The following ERCC6 variants were observed in gnomAD, a reference collection of about 807,000 sequenced individuals.
The protein encoded by ERCC6 is ERCC excision repair 6, chromatin remodeling factor, also known as DNA excision repair protein ERCC-6.
A neutral mutation model predicts 158.7 loss-of-function variants in ERCC6; 116 were observed. That is an observed-to-expected ratio of 0.73 (90% CI 0.63 to 0.85). The LOEUF is 0.85. ERCC6 is among the 40% of genes least tolerant of loss of function. ERCC6 has a pLI of 0.00. For missense variants in ERCC6, 1,698 were observed against 1,799.4 expected, an observed-to-expected ratio of 0.94 and a Z score of 1.02; for synonymous variants, 678 against 659.3, an observed-to-expected ratio of 1.03 and a Z score of -0.43.
chr10:49,513,765 C>T (rs989308123), intron 5 of ERCC6, among the ~76,000 whole-genome samples: 4 of 152,132 alleles, frequency 2.6e-5, no homozygotes, highest in Non-Finnish European at 5.9e-5. Flanking sequence ...AGGTTCCTCC[C>T]TTGACATATG....
intron 6 of ERCC6, chr10:49,505,198 C>T (rs552198369): frequency 4.2e-4 from 64 of 152,064 alleles, no homozygotes; most frequent in Non-Finnish European, 7.6e-4. Flanking sequence ...TGAAAATGTT[C>T]CTCAGTATTT....
chr10:49,511,241 A>G (rs1269495376), intron 5 of ERCC6, among the ~76,000 whole-genome samples: 1 of 152,144 alleles, frequency 6.6e-6, no homozygotes, highest in Admixed American at 6.5e-5. Flanking sequence ...GGCTGGACAA[A>G]AGAAGCACCT....
chr10:49,533,024 T>C (rs191731244), intron 1 of ERCC6, 46 bp from the exon 2 acceptor site: 16 of 1,586,290 alleles, frequency 1.0e-5, no homozygotes, highest in Middle Eastern at 1.7e-4. Flanking sequence ...ATAGGATTCA[T>C]TGTAGTTCTT....
chr10:49,507,220 T>C (rs1211890522), intron 5 of ERCC6, among the ~76,000 whole-genome samples: 1 of 152,124 alleles, frequency 6.6e-6, no homozygotes, highest in East Asian at 1.9e-4. Flanking sequence ...TTGTTGAAAA[T>C]TTCAACTCTT....
Position 49,474,023 on chromosome 10 carries a change from T to G in ERCC6, c.2598+4A>C. 6.2e-7 allele frequency: 1 copy of G among 1,613,586 alleles called. No homozygotes were observed. The highest frequency in any genetic ancestry group is 8.5e-7 in the Non-Finnish European group (1 of 1,179,724). Reference sequence around the variant, plus strand: ...TGTTTCCCGTCTGAAGTCTGTGCACTCACCTGCCTTGACTGAGAAAACAGC... The same window carrying G: ...TGTTTCCCGTCTGAAGTCTGTGCACGCACCTGCCTTGACTGAGAAAACAGC... On this transcript the variant is annotated splice_donor_region_variant and intron_variant, in intron 13 of 20. Coordinates refer to ENST00000355832, the MANE Select transcript of ERCC6 (RefSeq NM_000124.4).
intron 11 of ERCC6, among the ~76,000 whole-genome samples, chr10:49,478,034 G>T (rs1353696162): frequency 6.6e-6 from 1 of 152,230 alleles, no homozygotes; most frequent in Non-Finnish European, 1.5e-5. Flanking sequence ...TTTGTTCACT[G>T]CTGTATCTCA....
At chr10:49,521,251 C>T (rs1386737506) in intron 5 of ERCC6, among the ~76,000 whole-genome samples, 1 of 152,216 alleles carries the variant, frequency 6.6e-6, no homozygotes, top group Non-Finnish European at 1.5e-5. Flanking sequence ...GGACAAGCGA[C>T]CTGATCTTTA....
intron 5 of ERCC6, among the ~76,000 whole-genome samples, chr10:49,514,559 G>A (rs1836893550): frequency 6.6e-6 from 1 of 151,830 alleles, no homozygotes; most frequent in African/African-American, 2.4e-5. Context: ...TATGTTGCAA[G>A]GATCATTGTA....
At chr10:49,489,180 G>A (rs1464350871) in intron 8 of ERCC6, among the ~76,000 whole-genome samples, 3 of 152,182 alleles carry the variant, frequency 2.0e-5, no homozygotes, top group African/African-American at 7.2e-5. Context: ...GATCTTGAAT[G>A]ACCATGAACA....
At chr10:49,436,953 T>C in the ERCC6 span, among the ~76,000 whole-genome samples, 5 of 152,314 alleles carry the variant, frequency 3.3e-5, no homozygotes, top group South Asian at 6.2e-4. Context: ...TACAGTGATA[T>C]GGTTTGGCTG....
In ERCC6 at chr10:49,528,486, G is replaced by A. The variant is rs1837393226; in HGVS notation, c.583C>T (p.Leu195Phe). ...TCTGCTCCTCCAAGGATGGCCTGGA[G>A]ATGCTTTTGTTTTGCAGTGATCTTT... ...LKKITAKQKH[L>F]QAILGGAEVK... The change falls in exon 4 of 21, where the codon CTC becomes TTC. Residue 195 changes from leucine to phenylalanine, a missense_variant. Leu to Phe is a conservative substitution (Grantham distance 22). Transcript: ENST00000355832. 6.2e-7 allele frequency: 1 copy of A among 1,614,190 alleles called. No individual in the cohort carries two copies. The highest frequency in any genetic ancestry group is 2.2e-5 in the East Asian group (1 of 44,882).
chr10:49,470,255 G>A lies in ERCC6; in HGVS notation c.3705C>T (p.Asp1235=). 6.2e-7 allele frequency: 1 copy of A among 1,614,114 alleles called. No homozygotes were observed. The highest frequency in any genetic ancestry group is 8.5e-7 in the Non-Finnish European group (1 of 1,180,032). The change falls in exon 18 of 21, where the codon GAC becomes GAT. Residue 1235 remains aspartate, a synonymous_variant. Transcript: ENST00000355832. ...CCTTGGCCTCACTCTTGTTTTCACT[G>A]TCTTGCTTCTGGTAACGCCTTTTCT... The part of the protein sequence containing the change: ...LVKKRRYQKQ[D]SENKSEAKEQ...
Position 49,506,292 on chromosome 10 carries a change from C to A in ERCC6, c.1398-280G>T, listed in dbSNP as rs1345593887. 3 of 439,458 alleles carry A rather than the reference C, an allele frequency of 6.8e-6. No homozygotes were observed. The Admixed American group carries it at 1.2e-4, about 17-fold the overall frequency. The allele number at this position is 439,458 out of a possible 1,614,324, so 27.2% of individuals were successfully genotyped here. On this transcript the variant is annotated intron_variant, in intron 5 of 20. Coordinates refer to ENST00000355832, the MANE Select transcript of ERCC6 (RefSeq NM_000124.4). ...AACTACTTGCTCCTCTTCTGGCATA[C>A]CCTAAGGGAAAATTTCTCTGCTGGT...
chr10:49,488,908 C>T (rs979794683), intron 8 of ERCC6, among the ~76,000 whole-genome samples: 1 of 152,080 alleles, frequency 6.6e-6, no homozygotes, highest in African/African-American at 2.4e-5. Context: ...CTCAGCCTCC[C>T]GAGTAGCTGG....
At chr10:49,476,459 G>A in intron 11 of ERCC6, 149 bp from the exon 12 acceptor site, 1 of 630,054 alleles carries the variant, frequency 1.6e-6, no homozygotes. Context: ...AACAAAGGGT[G>A]ACAATACTTC....
In ERCC6 at chr10:49,460,259, G is replaced by C. The variant is rs901684084; in HGVS notation, c.4062+114C>G. 8 of 759,756 alleles carry C rather than the reference G, an allele frequency of 1.1e-5. No homozygotes were observed. The Admixed American group carries it at 1.1e-4, about 11-fold the overall frequency. 47.1% of individuals were successfully genotyped at this position (759,756 alleles called of 1,614,324 possible). A position where few individuals can be genotyped will look rare whatever the true frequency, so the allele number is the denominator to read the frequency against. On this transcript the variant is annotated intron_variant, in intron 20 of 20. Coordinates refer to ENST00000355832, the MANE Select transcript of ERCC6 (RefSeq NM_000124.4). ...ATCAGAGCGTGCAACACAAATATCA[G>C]GTGTCATTACACCAGAGATGACCAT...
intron 5 of ERCC6, among the ~76,000 whole-genome samples, chr10:49,507,086 A>G (rs1244650608): frequency 1.3e-5 from 2 of 152,178 alleles, no homozygotes; most frequent in African/African-American, 4.8e-5. Flanking sequence ...AATACTACAC[A>G]TGCTGCCTGG....
At chr10:49,466,846 G>T (rs1019088562) in intron 18 of ERCC6, among the ~76,000 whole-genome samples, 1 of 152,178 alleles carries the variant, frequency 6.6e-6, no homozygotes, top group African/African-American at 2.4e-5. Context: ...GAGTACAATG[G>T]TGTGATCTCG....
rs770120527 is a variant in ERCC6 at position 49,532,616 on chromosome 10, T to A, written c.349A>T (p.Ile117Phe). 3 of 1,614,212 alleles carry A rather than the reference T, an allele frequency of 1.9e-6. No individual in the cohort carries two copies. The East Asian group carries it at 6.7e-5, about 36-fold the overall frequency. The change falls in exon 2 of 21, where the codon ATC becomes TTC. Residue 117 changes from isoleucine (I) to phenylalanine (F), a missense_variant. Coordinates refer to ENST00000355832, the MANE Select transcript of ERCC6 (RefSeq NM_000124.4). ...TGGGAGGCACGGCTGGCCTCATGGATGGCATTGTCCACCTGCTGAAGCACT... is the reference window on the plus strand; with the variant it reads ...TGGGAGGCACGGCTGGCCTCATGGAAGGCATTGTCCACCTGCTGAAGCACT... The part of the protein sequence containing the change: ...QGVLQQVDNA[I>F]HEASRASQLV...
Sources: gnomAD v4.1 joint callset for allele counts (sites outside exome capture counted in the v4.1 genomes callset) on GRCh38, gnomAD v4.1.1 for gene constraint, MANE v1.5 for transcripts, NCBI Gene and HGNC (gene_info 2026-07-23, HGNC 2026-07-21) for gene names.